Variants in GALNT5 observed in about 807,000 individuals in gnomAD.
GALNT5 encodes polypeptide N-acetylgalactosaminyltransferase 5.
GALNT5 carries 72 observed loss-of-function variants against 85.4 expected under a neutral mutation model. That is an observed-to-expected ratio of 0.84 (90% CI 0.70 to 1.03). The LOEUF is 1.03. Ranked by LOEUF, GALNT5 falls within the 50% of genes least tolerant of loss-of-function variation. The probability of loss-of-function intolerance (pLI) is 0.00; values close to 1 mark genes in which losing one functional copy is unlikely to be tolerated. For synonymous variants in GALNT5, 404 were observed against 397.0 expected, an observed-to-expected ratio of 1.02 and a Z score of -0.21; for missense variants, 1,137 against 1,135.5, an observed-to-expected ratio of 1.00 and a Z score of -0.02.
rs777765383 is a variant in GALNT5 at position 157,313,014 on chromosome 2, A to G, written c.*1666A>G. 6.6e-6 allele frequency: 1 copy of G among 152,200 alleles called. No individual in the cohort carries two copies. Among genetic ancestry groups the G allele is most frequent in the Non-Finnish European group, 1.5e-5 (1 of 68,018 alleles). 9.4% of individuals were successfully genotyped at this position (152,200 alleles called of 1,614,324 possible). On this transcript the variant is annotated 3_prime_UTR_variant, in exon 10 of 10. Transcript: ENST00000259056. ...GCAAAACTATAACTAAGAATGGGAAAAAGAACTATTTCTGCACATTTGTAA... is the reference window on the plus strand; with the variant it reads ...GCAAAACTATAACTAAGAATGGGAAGAAGAACTATTTCTGCACATTTGTAA...
chr2:157,298,280 A>C (rs72918730), intron 5 of GALNT5, among the ~76,000 whole-genome samples: 2,284 of 152,190 alleles, frequency 0.015, 30 homozygotes, highest in Non-Finnish European at 0.025. Context: ...GGGGCAGGGG[A>C]TCTAAGGCCG....
chr2:157,292,323 G>A (rs901140094), intron 3 of GALNT5, among the ~76,000 whole-genome samples: 3 of 152,172 alleles, frequency 2.0e-5, no homozygotes, highest in East Asian at 1.9e-4. Context: ...AGTCAGCTAC[G>A]CAGAGAGCTC....
intron 3 of GALNT5, among the ~76,000 whole-genome samples, chr2:157,292,865 G>A (rs1360566198): frequency 1.3e-4 from 20 of 151,984 alleles, no homozygotes; most frequent in African/African-American, 3.9e-4. Context: ...ACACACGCCC[G>A]ATTGATTTTT....
chr2:157,291,567 G>A (rs767125395), intron 3 of GALNT5, among the ~76,000 whole-genome samples: 1 of 152,012 alleles, frequency 6.6e-6, no homozygotes. Context: ...CTGGATATAA[G>A]TGGGGGTCCA....
In GALNT5 at chr2:157,259,375, TC is replaced by T; in HGVS notation, c.1295del (p.Pro432GlnfsTer14). The T allele has an allele frequency of 6.6e-7, 1 of 1,506,136 alleles. No individual in the cohort carries two copies. The highest frequency in any genetic ancestry group is 8.9e-7 in the Non-Finnish European group (1 of 1,124,166). 93.3% of individuals were successfully genotyped at this position (1,506,136 alleles called of 1,614,324 possible). ...TGTTAAGAATTGATGTGACACTTTC[TC>T]CAAGGGACCCCAAAGCTCCAGGGCA... ...QVLRIDVTLS[P>X]RDPKAPGQFG... On this transcript the variant is annotated frameshift_variant, in exon 1 of 10. Transcript: ENST00000259056. LOFTEE classifies it high-confidence loss of function.
At position 157,318,201 on chromosome 2, in the gene GALNT5, T is replaced by G. The variant is rs1322549812; in HGVS notation, c.*6853T>G. 1.3e-5 allele frequency among the ~76,000 whole-genome samples: 2 copies of G among 152,094 alleles called. No individual in the cohort carries two copies. Among genetic ancestry groups the G allele is most frequent in the Non-Finnish European group, 2.9e-5 (2 of 67,992 alleles). ...GTTTTCCCTATCACATTGAAAAACT[T>G]AAATGTCCGTTCTCCATTTGAAAAT... is the stretch of plus-strand genomic sequence containing the variant. On this transcript the variant is annotated 3_prime_UTR_variant, in exon 10 of 10. Transcript: ENST00000259056.
At chr2:157,259,664 G>C (rs1682294633) in intron 1 of GALNT5, 128 bp downstream of exon 1, 1 of 622,576 alleles carries the variant, frequency 1.6e-6, no homozygotes, top group East Asian at 3.1e-5. Context: ...TTAATCATTG[G>C]ATATCATTCA....
At chr2:157,309,747 A>G (rs1683527979) in intron 9 of GALNT5, among the ~76,000 whole-genome samples, 1 of 152,180 alleles carries the variant, frequency 6.6e-6, no homozygotes, top group African/African-American at 2.4e-5. Flanking sequence ...TGAGTAATGT[A>G]TTCTCCAACA....
chr2:157,284,489 T>G, intron 2 of GALNT5, 41 bp downstream of exon 2: 1 of 1,560,690 alleles, frequency 6.4e-7, no homozygotes, highest in Non-Finnish European at 8.8e-7. Flanking sequence ...ATTTCAAAGT[T>G]TGGCAGAAGC....
intron 3 of GALNT5, among the ~76,000 whole-genome samples, chr2:157,293,011 T>C (rs1683132712): frequency 6.6e-6 from 1 of 152,150 alleles, no homozygotes; most frequent in African/African-American, 2.4e-5. Context: ...CAGGAATCTT[T>C]TTCTACTACA....
At chr2:157,269,952 T>G (rs935218766) in intron 1 of GALNT5, among the ~76,000 whole-genome samples, 1 of 152,130 alleles carries the variant, frequency 6.6e-6, no homozygotes, top group Non-Finnish European at 1.5e-5. Flanking sequence ...TTTTCAGAAC[T>G]GATTTGATTT....
chr2:157,292,792 G>A (rs1033247511), intron 3 of GALNT5, among the ~76,000 whole-genome samples: 1 of 151,702 alleles, frequency 6.6e-6, no homozygotes, highest in South Asian at 2.1e-4. Flanking sequence ...TGCAACCTCC[G>A]CCTCCTGGGT....
At chr2:157,262,207 TAA>T (rs535714685) in intron 1 of GALNT5, among the ~76,000 whole-genome samples, 43 of 97,782 alleles carry the variant, frequency 4.4e-4, no homozygotes, top group Admixed American at 5.9e-4. Flanking sequence ...CCAAAAAATG[TAA>T]AAAAAAAAAA....
intron 1 of GALNT5, 31 bp downstream of exon 1, chr2:157,259,567 C>T: frequency 7.6e-7 from 1 of 1,308,212 alleles, no homozygotes; most frequent in African/African-American, 1.5e-5. Flanking sequence ...CTTTCCTCAA[C>T]CCCAAGTGCT....
intron 1 of GALNT5, among the ~76,000 whole-genome samples, chr2:157,265,107 G>A (rs1171254627): frequency 6.6e-6 from 1 of 152,154 alleles, no homozygotes; most frequent in African/African-American, 2.4e-5. Flanking sequence ...TGAATAGTGT[G>A]TATGTGTTCA....
intron 3 of GALNT5, among the ~76,000 whole-genome samples, chr2:157,288,500 T>C (rs1376751038): frequency 6.6e-6 from 1 of 152,190 alleles, no homozygotes; most frequent in Non-Finnish European, 1.5e-5. Context: ...GAAGTACAAA[T>C]GTCCTAATGA....
chr2:157,290,159 G>A (rs1477309227), intron 3 of GALNT5, among the ~76,000 whole-genome samples: 1 of 146,346 alleles, frequency 6.8e-6, no homozygotes, highest in Non-Finnish European at 1.5e-5. Context: ...GTATCTACAT[G>A]TATATAAAAA....
Position 157,258,578 on chromosome 2 carries a change from CA to C in GALNT5, c.497del (p.Gln166ArgfsTer9), listed in dbSNP as rs1268645395. 2 of 1,613,230 alleles carry C rather than the reference CA, an allele frequency of 1.2e-6. No individual in the cohort carries two copies. The highest frequency in any genetic ancestry group is 2.7e-5 in the African/African-American group (2 of 74,632). Reference protein sequence around the residue: ...HQGTPKQTTAQGAPKTSFIAA... With the variant: ...HQGTPKQTTAXGAPKTSFIAA... ...GGGGACACCAAAGCAAACGACAGCT[CA>C]GGGGGCTCCAAAGACCTCATTCATA... On this transcript the variant is annotated frameshift_variant, in exon 1 of 10. Transcript: ENST00000259056. LOFTEE classifies it high-confidence loss of function.
Position 157,307,010 on chromosome 2 carries a change from A to AT in GALNT5, c.2520+1194dup, listed in dbSNP as rs11306025. ...ATGAAAGGAAAGTATTAAATAATGC[A>AT]TTTTTTTTTTTTTAGGAATCATCAT... is the stretch of plus-strand genomic sequence containing the variant. On this transcript the variant is annotated intron_variant, in intron 8 of 9. Coordinates refer to ENST00000259056, the MANE Select transcript of GALNT5 (RefSeq NM_014568.3). Among the ~76,000 whole-genome samples, 254 of 149,500 alleles carry AT rather than the reference A, an allele frequency of 1.7e-3. 1 individual carries two copies. Among genetic ancestry groups the AT allele is most frequent in the Middle Eastern group, 6.9e-3 (2 of 290 alleles).
Sources: gnomAD v4.1 joint callset for allele counts (sites outside exome capture counted in the v4.1 genomes callset) on GRCh38, gnomAD v4.1.1 for gene constraint, MANE v1.5 for transcripts, NCBI Gene and HGNC (gene_info 2026-07-23, HGNC 2026-07-21) for gene names.